The following CTTNBP2 variants were observed in gnomAD, a reference collection of about 807,000 sequenced individuals.
CTTNBP2 encodes the protein cortactin-binding protein 2.
In CTTNBP2, 108 loss-of-function variants were observed where a neutral mutation model predicts 156.9. That is an observed-to-expected ratio of 0.69 (90% CI 0.59 to 0.81). CTTNBP2 has a LOEUF of 0.81. Among genes scored for constraint, CTTNBP2 ranks in the 30% least tolerant of loss-of-function variants. The probability of loss-of-function intolerance (pLI) is 0.00; values close to 1 mark genes in which losing one functional copy is unlikely to be tolerated. For missense variants in CTTNBP2, 1,924 were observed against 2,035.4 expected (o/e 0.95, Z 1.05); for synonymous variants, 767 against 751.8 (o/e 1.02, Z -0.33).
chr7:117,742,409 G>A (rs1562966125), intron 14 of CTTNBP2, among the ~76,000 whole-genome samples: 1 of 152,186 alleles, frequency 6.6e-6, no homozygotes, highest in African/African-American at 2.4e-5. Flanking sequence ...GGTCAGATCA[G>A]CAGATTGGGT....
intron 8 of CTTNBP2, among the ~76,000 whole-genome samples, chr7:117,771,742 A>G (rs10249282): frequency 0.19 from 29,254 of 152,162 alleles, 3,998 homozygotes; most frequent in African/African-American, 0.39. Flanking sequence ...GTATATATAA[A>G]GATTAAAAAG....
intron 17 of CTTNBP2, among the ~76,000 whole-genome samples, chr7:117,725,748 C>T (rs933232126): frequency 5.3e-5 from 8 of 152,088 alleles, no homozygotes; most frequent in African/African-American, 9.7e-5. Context: ...AGTGCCAAGG[C>T]GCAATCTCGG....
rs536049428 is a variant in CTTNBP2, at chr7:117,743,340, CAG to C, written c.3535+2489_3535+2490del. Among the ~76,000 whole-genome samples the C allele has an allele frequency of 2.0e-4, 30 of 152,220 alleles. No individual in the cohort carries two copies. The East Asian group carries it at 3.7e-3, about 19-fold the overall frequency. On this transcript the variant is annotated intron_variant, in intron 14 of 22. Coordinates refer to ENST00000160373, the MANE Select transcript of CTTNBP2 (RefSeq NM_033427.3). ...AATGCGGGAGACTTTTGTTAGATAA[CAG>C]GGGAAAAATGATGTTTTGGCACTAG...
intron 10 of CTTNBP2, among the ~76,000 whole-genome samples, chr7:117,759,649 T>C (rs936331382): frequency 6.6e-6 from 1 of 152,196 alleles, no homozygotes; most frequent in African/African-American, 2.4e-5. Context: ...CACAAGCTTT[T>C]CTATCAGACA....
At chr7:117,821,635 C>T (rs1800974464) in intron 2 of CTTNBP2, among the ~76,000 whole-genome samples, 1 of 147,350 alleles carries the variant, frequency 6.8e-6, no homozygotes, top group African/African-American at 2.5e-5. Flanking sequence ...GTCGCCCAGG[C>T]TGGAGTGCAG....
At chr7:117,852,402 G>A (rs972581944) in intron 2 of CTTNBP2, among the ~76,000 whole-genome samples, 8 of 152,012 alleles carry the variant, frequency 5.3e-5, no homozygotes, top group Non-Finnish European at 1.0e-4. Flanking sequence ...ATGCAAAGAT[G>A]GTCAGGGTGG....
chr7:117,797,262 A>G (rs1799370789), intron 3 of CTTNBP2, among the ~76,000 whole-genome samples: 1 of 152,222 alleles, frequency 6.6e-6, no homozygotes, highest in Admixed American at 6.5e-5. Context: ...TGTCTGACAG[A>G]GCTGAGCAAA....
chr7:117,775,253 CTT>C, intron 8 of CTTNBP2, among the ~76,000 whole-genome samples: 1 of 152,114 alleles, frequency 6.6e-6, no homozygotes, highest in East Asian at 1.9e-4. Flanking sequence ...AAAAAAATCT[CTT>C]TCCTTGTCCA....
At chr7:117,743,801 C>T (rs1392856781) in intron 14 of CTTNBP2, among the ~76,000 whole-genome samples, 1 of 147,478 alleles carries the variant, frequency 6.8e-6, no homozygotes, top group Non-Finnish European at 1.5e-5. Flanking sequence ...AGAATAGGGC[C>T]ACCAGTGTAA....
chr7:117,843,982 G>A (rs1802424091), intron 2 of CTTNBP2, among the ~76,000 whole-genome samples: 1 of 152,100 alleles, frequency 6.6e-6, no homozygotes, highest in Non-Finnish European at 1.5e-5. Flanking sequence ...TAACAGCAAG[G>A]GTCATCATAA....
At chr7:117,742,737 G>A (rs1238373224) in intron 14 of CTTNBP2, among the ~76,000 whole-genome samples, 1 of 152,148 alleles carries the variant, frequency 6.6e-6, no homozygotes, top group Non-Finnish European at 1.5e-5. Flanking sequence ...GAGCACCTGG[G>A]GTTCCATGTG....
At chr7:117,848,667 T>C (rs1054938932) in intron 2 of CTTNBP2, among the ~76,000 whole-genome samples, 2 of 152,226 alleles carry the variant, frequency 1.3e-5, no homozygotes, top group South Asian at 2.1e-4. Context: ...TCAGGAAACT[T>C]AGGACTCTAA....
chr7:117,727,625 TCAACTTTCTC>T (rs1795165436), intron 17 of CTTNBP2, among the ~76,000 whole-genome samples: 1 of 152,238 alleles, frequency 6.6e-6, no homozygotes, highest in Non-Finnish European at 1.5e-5. Context: ...TTTTCTCATT[TCAACTTTCTC>T]CTGATTTTCT....
At chr7:117,736,075 T>C (rs1383027876) in intron 14 of CTTNBP2, among the ~76,000 whole-genome samples, 2 of 152,250 alleles carry the variant, frequency 1.3e-5, no homozygotes, top group Admixed American at 1.3e-4. Context: ...AAGTAGTATA[T>C]ATTTTAGTAT....
intron 3 of CTTNBP2, among the ~76,000 whole-genome samples, chr7:117,804,169 G>A (rs1210551625): frequency 6.6e-6 from 1 of 152,044 alleles, no homozygotes; most frequent in Non-Finnish European, 1.5e-5. Context: ...CACCACGTTG[G>A]CTAGGCTGGC....
chr7:117,811,829 T>C (rs1800298778), intron 2 of CTTNBP2, among the ~76,000 whole-genome samples: 1 of 115,242 alleles, frequency 8.7e-6, no homozygotes, highest in Non-Finnish European at 1.8e-5. Flanking sequence ...TTAATTAAAT[T>C]AAAATTTTAA....
chr7:117,839,047 T>C (rs1339625538), intron 2 of CTTNBP2, among the ~76,000 whole-genome samples: 1 of 151,412 alleles, frequency 6.6e-6, no homozygotes, highest in African/African-American at 2.4e-5. Flanking sequence ...GCAATTTCCA[T>C]AGGTTTATGG....
chr7:117,773,707 A>C (rs77652983), intron 8 of CTTNBP2, among the ~76,000 whole-genome samples: 8,756 of 129,008 alleles, frequency 0.068, 337 homozygotes, highest in Middle Eastern at 0.14. Context: ...ACACACACAC[A>C]CCCCAAAAAA....
chr7:117,802,255 T>G (rs1003458019), intron 3 of CTTNBP2, among the ~76,000 whole-genome samples: 19 of 151,572 alleles, frequency 1.3e-4, no homozygotes, highest in African/African-American at 4.1e-4. Flanking sequence ...CACTTGAATA[T>G]GAGGAAGGAT....
Sources: allele counts gnomAD v4.1 joint callset (sites outside exome capture counted in the v4.1 genomes callset), GRCh38; gene constraint gnomAD v4.1.1; transcripts MANE v1.5; gene names NCBI Gene and HGNC (gene_info 2026-07-23, HGNC 2026-07-21).